MAMDC2: variants seen among roughly 807,000 people sequenced by gnomAD.
MAMDC2 encodes the protein MAM domain containing 2.
MAMDC2 carries 57 observed loss-of-function variants against 89.8 expected under a neutral mutation model. That is an observed-to-expected ratio of 0.63 (90% CI 0.51 to 0.79). The LOEUF is 0.79. MAMDC2 is among the 30% of genes least tolerant of loss of function. MAMDC2 has a pLI of 0.00. For synonymous variants in MAMDC2, 313 were observed against 293.4 expected (o/e 1.07, Z -0.68); for missense variants, 800 against 820.6 (o/e 0.97, Z 0.31).
At chr9:70,100,559 G>A (rs1828161073) in intron 2 of MAMDC2, among the ~76,000 whole-genome samples, 2 of 152,308 alleles carry the variant, frequency 1.3e-5, no homozygotes, top group South Asian at 4.1e-4. Flanking sequence ...ACAGACGTAG[G>A]CATTGCTGTC....
chr9:70,182,259 G>T (rs2032660373), intron 11 of MAMDC2, among the ~76,000 whole-genome samples: 1 of 152,176 alleles, frequency 6.6e-6, no homozygotes, highest in African/African-American at 2.4e-5. Context: ...CGGTTGGTCA[G>T]TATTTTATTG....
intron 2 of MAMDC2, among the ~76,000 whole-genome samples, chr9:70,051,586 C>T (rs940202376): frequency 4.6e-5 from 7 of 152,142 alleles, no homozygotes; most frequent in Non-Finnish European, 1.0e-4. Flanking sequence ...ATCAGTCTTA[C>T]TTCTATATCT....
At chr9:70,199,714 T>G (rs1478050531) in intron 11 of MAMDC2, among the ~76,000 whole-genome samples, 2 of 125,230 alleles carry the variant, frequency 1.6e-5, no homozygotes, top group African/African-American at 5.8e-5. Context: ...CAGCACCTGT[T>G]GTTTCCTGAC....
rs908819826 is a variant in MAMDC2, at chr9:70,044,105, C to G, written c.-93C>G. On this transcript the variant is annotated 5_prime_UTR_variant, in exon 1 of 14. Coordinates refer to ENST00000377182, the MANE Select transcript of MAMDC2 (RefSeq NM_153267.5). ...TCTCCCTCCTTGGGTCCCCGGCGCC[C>G]CCGCCTCCCACGATCCCTTTCACTA... is the stretch of plus-strand genomic sequence containing the variant. 6.6e-6 allele frequency: 10 copies of G among 1,504,696 alleles called. No individual in the cohort carries two copies. The highest frequency in any genetic ancestry group is 9.2e-6 in the Non-Finnish European group (10 of 1,088,244). The allele number at this position is 1,504,696 out of a possible 1,614,324, so 93.2% of individuals were successfully genotyped here. A position where few individuals can be genotyped will look rare whatever the true frequency, so the allele number is the denominator to read the frequency against.
At chr9:70,072,612 G>C (rs1379084289) in intron 2 of MAMDC2, among the ~76,000 whole-genome samples, 2 of 152,000 alleles carry the variant, frequency 1.3e-5, no homozygotes, top group Admixed American at 6.6e-5. Context: ...GGAAATGGTG[G>C]CACGGTGAAA....
At chr9:70,217,687 T>C (rs1464583989) in intron 11 of MAMDC2, 4 of 1,457,372 alleles carry the variant, frequency 2.7e-6, no homozygotes, top group African/African-American at 2.8e-5. Flanking sequence ...ATTAGATTTT[T>C]AAATAAAGAT....
chr9:70,175,046 A>G (rs975113644), intron 11 of MAMDC2, among the ~76,000 whole-genome samples: 10 of 152,066 alleles, frequency 6.6e-5, no homozygotes, highest in African/African-American at 2.4e-4. Flanking sequence ...ATTTTACTTT[A>G]TTTCAAATGG....
chr9:70,212,519 C>T (rs533790727), intron 11 of MAMDC2, among the ~76,000 whole-genome samples: 1 of 152,280 alleles, frequency 6.6e-6, no homozygotes, highest in East Asian at 1.9e-4. Context: ...TTCCAGGTTT[C>T]CCTTGTCACG....
At chr9:70,190,313 G>A (rs1176874826) in intron 11 of MAMDC2, among the ~76,000 whole-genome samples, 1 of 152,108 alleles carries the variant, frequency 6.6e-6, no homozygotes, top group Non-Finnish European at 1.5e-5. Context: ...GACTAATTCT[G>A]TAGTCTATAT....
chr9:70,129,696 A>T (rs1156873533), intron 6 of MAMDC2, among the ~76,000 whole-genome samples: 1 of 152,188 alleles, frequency 6.6e-6, no homozygotes, highest in Non-Finnish European at 1.5e-5. Context: ...GACAAACTCA[A>T]AGATTTCAGA....
chr9:70,202,037 T>C (rs1171800431), intron 11 of MAMDC2, among the ~76,000 whole-genome samples: 2 of 146,608 alleles, frequency 1.4e-5, no homozygotes, highest in African/African-American at 2.4e-5. Context: ...GAAGGGTTTT[T>C]TGTGTCTCTA....
intron 10 of MAMDC2, 68 bp from the exon 11 acceptor site, chr9:70,170,411 T>G (rs1371355394): frequency 1.3e-6 from 2 of 1,507,444 alleles, no homozygotes; most frequent in East Asian, 2.3e-5. Flanking sequence ...ACATGCAGAG[T>G]GGGCTGCTAG....
intron 7 of MAMDC2, among the ~76,000 whole-genome samples, chr9:70,138,662 A>AT (rs924656814): frequency 9.2e-5 from 14 of 152,108 alleles, no homozygotes; most frequent in Admixed American, 6.5e-4. Flanking sequence ...GATGTTGAAC[A>AT]TTTTTTTTAT....
At chr9:70,103,986 TAAA>T (rs111553707) in intron 2 of MAMDC2, among the ~76,000 whole-genome samples, 1 of 141,498 alleles carries the variant, frequency 7.1e-6, no homozygotes. Flanking sequence ...CGTCTCCATT[TAAA>T]AAAAAAAAAA....
At position 70,116,155 on chromosome 9, in the gene MAMDC2, T is replaced by TG. The variant is rs1322465674; in HGVS notation, c.643+3026dup. On this transcript the variant is annotated intron_variant, in intron 5 of 13. Coordinates refer to ENST00000377182, the MANE Select transcript of MAMDC2 (RefSeq NM_153267.5). The stretch of plus-strand genomic sequence containing the variant: ...AAATTCGTTCCAAAGTCAAACCCTG[T>TG]GGGTAACCAATGTTATGATTCAGTG... Among the ~76,000 whole-genome samples, 3 of 152,238 alleles carry TG rather than the reference T, an allele frequency of 2.0e-5. 1 individual carries two copies. The highest frequency in any genetic ancestry group is 1.3e-4 in the Admixed American group (2 of 15,288).
At chr9:70,166,993 C>T (rs769068762) in intron 9 of MAMDC2, among the ~76,000 whole-genome samples, 32 of 152,018 alleles carry the variant, frequency 2.1e-4, no homozygotes, top group Non-Finnish European at 4.1e-4. Context: ...AAAATATAAC[C>T]GCATTCAGGG....
chr9:70,050,090 T>C (rs987043154), intron 2 of MAMDC2, among the ~76,000 whole-genome samples: 7 of 152,146 alleles, frequency 4.6e-5, no homozygotes, highest in Non-Finnish European at 1.0e-4. Flanking sequence ...ATTTCAGACA[T>C]GTGGAAGAAC....
rs1286602925 is a variant in MAMDC2, at chr9:70,143,807, C to T, written c.1392C>T (p.Pro464=). ...WMQAEITFKK[P]MPTKVVFMSL... is the part of the protein sequence containing the mutation. Reference sequence around the variant, plus strand: ...AAGCTGAAATCACCTTTAAGAAGCCCATGCCTACCAAGGTACAGCAGAGCC... The same window carrying T: ...AAGCTGAAATCACCTTTAAGAAGCCTATGCCTACCAAGGTACAGCAGAGCC... The change falls in exon 9 of 14, where the codon CCC becomes CCT. Residue 464 remains proline (P), a synonymous_variant. Coordinates refer to ENST00000377182, the MANE Select transcript of MAMDC2 (RefSeq NM_153267.5). 1 of 1,613,930 alleles carries T rather than the reference C, an allele frequency of 6.2e-7. No homozygotes were observed. Among genetic ancestry groups the T allele is most frequent in the African/African-American group, 1.3e-5 (1 of 75,036 alleles).
At chr9:70,202,173 T>A (rs2033113335) in intron 11 of MAMDC2, among the ~76,000 whole-genome samples, 3 of 151,648 alleles carry the variant, frequency 2.0e-5, no homozygotes, top group African/African-American at 7.3e-5. Flanking sequence ...TCTTTCCTGC[T>A]TTCTCTTGTG....
Sources: gnomAD v4.1 joint callset for allele counts (sites outside exome capture counted in the v4.1 genomes callset) on GRCh38, gnomAD v4.1.1 for gene constraint, MANE v1.5 for transcripts, NCBI Gene and HGNC (gene_info 2026-07-23, HGNC 2026-07-21) for gene names.